CDC42SE2: variants seen among roughly 807,000 people sequenced by gnomAD.
The protein encoded by CDC42SE2 is CDC42 small effector 2.
In CDC42SE2, 3 loss-of-function variants were observed where a neutral mutation model predicts 11.5. The observed-to-expected ratio is 0.26, with a 90% CI of 0.12 to 0.67. The LOEUF (loss-of-function observed/expected upper bound fraction) is 0.67. Among genes scored for constraint, CDC42SE2 ranks in the 30% least tolerant of loss-of-function variants. The pLI, the probability that CDC42SE2 is intolerant of heterozygous loss-of-function variation, is 0.80. For missense variants in CDC42SE2, 82 were observed against 106.8 expected (o/e 0.77, Z 1.02); for synonymous variants, 33 against 34.8 (o/e 0.95, Z 0.18).
intron 2 of CDC42SE2, among the ~76,000 whole-genome samples, chr5:131,342,155 C>G (rs1303627364): frequency 1.3e-5 from 2 of 150,208 alleles, no homozygotes; most frequent in East Asian, 4.1e-4. Context: ...TGGTGCATGC[C>G]TGTAATCCCA....
At chr5:131,266,620 C>T (rs1418580199) in intron 1 of CDC42SE2, among the ~76,000 whole-genome samples, 2 of 151,872 alleles carry the variant, frequency 1.3e-5, no homozygotes, top group Non-Finnish European at 2.9e-5. Context: ...CCACTATGCC[C>T]TATTTTTTGT....
Position 131,253,423 on chromosome 5 carries a change from G to C in CDC42SE2, n.108-1672G>C, listed in dbSNP as rs542982289. The stretch of plus-strand genomic sequence containing the variant: ...CTCAATAGGTGGACAGCAAAAATCT[G>C]TTGCATTGAATTGATCCTATTAACT... On this transcript the variant is annotated intron_variant and non_coding_transcript_variant, in intron 1 of 3. Coordinates refer to the CDC42SE2 transcript ENST00000502840. Among the ~76,000 whole-genome samples, 165 of 152,272 alleles carry C rather than the reference G, an allele frequency of 1.1e-3. 1 individual carries two copies. The highest frequency in any genetic ancestry group is 3.8e-3 in the African/African-American group (159 of 41,556).
intron 2 of CDC42SE2, among the ~76,000 whole-genome samples, chr5:131,336,107 C>T (rs1230910153): frequency 2.0e-5 from 3 of 151,922 alleles, no homozygotes; most frequent in Non-Finnish European, 4.4e-5. Flanking sequence ...TGGCTGGTAC[C>T]AGTTGTTCCT....
At chr5:131,221,786 T>C in the CDC42SE2 span, among the ~76,000 whole-genome samples, 9 of 152,200 alleles carry the variant, frequency 5.9e-5, no homozygotes, top group East Asian at 1.7e-3. Flanking sequence ...AAAATTGAAT[T>C]CTTCTTTCTC....
intron 1 of CDC42SE2, among the ~76,000 whole-genome samples, chr5:131,278,891 T>A (rs867360629): frequency 6.1e-4 from 88 of 144,334 alleles, no homozygotes; most frequent in African/African-American, 2.0e-3. Flanking sequence ...TTCAAGTGAT[T>A]CTCCTGCCTC....
chr5:131,299,369 C>G (rs541307622), intron 1 of CDC42SE2, among the ~76,000 whole-genome samples: 1 of 152,248 alleles, frequency 6.6e-6, no homozygotes, highest in South Asian at 2.1e-4. Context: ...GCCTAGAACT[C>G]TACTGGTGAC....
intron 1 of CDC42SE2, among the ~76,000 whole-genome samples, chr5:131,306,661 A>G (rs1398632077): frequency 6.6e-6 from 1 of 152,152 alleles, no homozygotes; most frequent in Non-Finnish European, 1.5e-5. Flanking sequence ...ATTGCATTGA[A>G]TCTGTAAATT....
chr5:131,375,700 C>T (rs1429925498), intron 3 of CDC42SE2, among the ~76,000 whole-genome samples: 2 of 151,916 alleles, frequency 1.3e-5, no homozygotes, highest in South Asian at 2.1e-4. Flanking sequence ...AAGTTTTGAC[C>T]TAAGTATGAG....
chr5:131,322,085 C>T (rs548558630), intron 2 of CDC42SE2, among the ~76,000 whole-genome samples: 16 of 151,944 alleles, frequency 1.1e-4, no homozygotes, highest in South Asian at 2.1e-4. Context: ...CTCCTGACCT[C>T]GTGATTCACC....
chr5:131,370,346 A>AT (rs919351678), intron 3 of CDC42SE2, among the ~76,000 whole-genome samples: 5 of 151,284 alleles, frequency 3.3e-5, no homozygotes, highest in Non-Finnish European at 5.9e-5. Context: ...AGCATCAATT[A>AT]TTTTTTTTTC....
At chr5:131,238,896 G>A in the CDC42SE2 span, among the ~76,000 whole-genome samples, 2 of 151,684 alleles carry the variant, frequency 1.3e-5, no homozygotes, top group Non-Finnish European at 2.9e-5. Flanking sequence ...CACCGGGCAC[G>A]GCTGTAGTCC....
Position 131,393,936 on chromosome 5 carries a change from ACT to A in CDC42SE2, c.*2848_*2849del, listed in dbSNP as rs934262825. ...TATAACTACTCTGCAGCTGCCACTA[ACT>A]CTACAGGCACAGTAACTACACTTTA... is the stretch of plus-strand genomic sequence containing the variant. On this transcript the variant is annotated 3_prime_UTR_variant, in exon 5 of 5. Coordinates refer to ENST00000505065, the MANE Select transcript of CDC42SE2 (RefSeq NM_001375635.1). 1.3e-5 allele frequency: 2 copies of A among 150,908 alleles called. No individual in the cohort carries two copies. The highest frequency in any genetic ancestry group is 1.3e-4 in the Admixed American group (2 of 15,094). The allele number at this position is 150,908 out of a possible 1,614,324, so 9.3% of individuals were successfully genotyped here.
chr5:131,237,688 C>T, the CDC42SE2 span, among the ~76,000 whole-genome samples: 1 of 152,198 alleles, frequency 6.6e-6, no homozygotes, highest in Non-Finnish European at 1.5e-5. Context: ...AGGCAATCCT[C>T]CTGCTCAGCC....
At chr5:131,279,456 C>A (rs1252657806) in intron 1 of CDC42SE2, among the ~76,000 whole-genome samples, 1 of 139,060 alleles carries the variant, frequency 7.2e-6, no homozygotes, top group Non-Finnish European at 1.6e-5. Context: ...AGCCCTCCCC[C>A]CCCCCCTTTC....
chr5:131,252,549 C>T (rs1376324190), intron 1 of CDC42SE2, among the ~76,000 whole-genome samples: 2 of 152,118 alleles, frequency 1.3e-5, no homozygotes, highest in Non-Finnish European at 2.9e-5. Flanking sequence ...CCCAGCTACT[C>T]GGGAGGCTGA....
At chr5:131,313,563 G>A (rs1757976052) in intron 1 of CDC42SE2, among the ~76,000 whole-genome samples, 2 of 152,074 alleles carry the variant, frequency 1.3e-5, no homozygotes, top group African/African-American at 2.4e-5. Flanking sequence ...AGCTTCATTT[G>A]TTGAGAAAGC....
rs978833255 is a variant in CDC42SE2, at chr5:131,392,146, T to G, written c.*1055T>G. On this transcript the variant is annotated 3_prime_UTR_variant, in exon 5 of 5. Transcript: ENST00000505065. ...TGTGAATGCTAACACCATTTTGCAG[T>G]TTTTTTTTTCTATTTTAAACATTTT... 1 of 119,178 alleles carries G rather than the reference T, an allele frequency of 8.4e-6. No homozygotes were observed. The highest frequency in any genetic ancestry group is 1.6e-5 in the Non-Finnish European group (1 of 62,254). The allele number at this position is 119,178 out of a possible 1,614,324, so 7.4% of individuals were successfully genotyped here. A position where few individuals can be genotyped will look rare whatever the true frequency, so the allele number is the denominator to read the frequency against.
intron 1 of CDC42SE2, among the ~76,000 whole-genome samples, chr5:131,303,975 T>G (rs1198899474): frequency 1.3e-5 from 2 of 152,044 alleles, no homozygotes; most frequent in South Asian, 2.1e-4. Context: ...TTCTTTTTTT[T>G]TTTTGGGACA....
intron 1 of CDC42SE2, among the ~76,000 whole-genome samples, chr5:131,290,545 C>T (rs373294829): frequency 9.3e-5 from 13 of 139,748 alleles, no homozygotes; most frequent in South Asian, 2.2e-4. Context: ...TGCAGTGGCG[C>T]GGGGTCAATG....
Sources: gnomAD v4.1 joint callset for allele counts (sites outside exome capture counted in the v4.1 genomes callset) on GRCh38, gnomAD v4.1.1 for gene constraint, MANE v1.5 for transcripts, NCBI Gene and HGNC (gene_info 2026-07-23, HGNC 2026-07-21) for gene names.